UMAD1: variants seen among roughly 807,000 people sequenced by gnomAD.
UMAD1 encodes the protein UBAP1-MVB12-associated (UMA) domain containing 1, also known as UBAP1-MVB12-associated (UMA)-domain containing protein 1.
A neutral mutation model predicts 6.1 loss-of-function variants in UMAD1; 8 were observed. The observed-to-expected ratio is 1.30, with a 90% CI of 0.76 to 2.35. UMAD1 has a LOEUF of 2.35. Among genes scored for constraint, UMAD1 ranks in the 30% most tolerant of loss-of-function variants. The probability of loss-of-function intolerance (pLI) is 0.00; values close to 1 mark genes in which losing one functional copy is unlikely to be tolerated. For synonymous variants in UMAD1, 56 were observed against 31.4 expected (o/e 1.78, Z -2.61); for missense variants, 130 against 78.4 (o/e 1.66, Z -2.49).
chr7:7,724,563 A>G (rs1403843890), intron 2 of UMAD1, among the ~76,000 whole-genome samples: 1 of 152,212 alleles, frequency 6.6e-6, no homozygotes, highest in Non-Finnish European at 1.5e-5. Flanking sequence ...TAGTGCCACC[A>G]TTAAGGACTT....
At chr7:7,656,331 T>G (rs34674816) in intron 1 of UMAD1, among the ~76,000 whole-genome samples, 24,487 of 152,128 alleles carry the variant, frequency 0.16, 2,334 homozygotes, top group Middle Eastern at 0.24. Flanking sequence ...TTTTGTTTTA[T>G]TATACTTAAA....
chr7:7,742,097 T>C, intron 2 of UMAD1: 2 of 584,280 alleles, frequency 3.4e-6, no homozygotes, highest in South Asian at 2.8e-5. Context: ...GTTGATATGA[T>C]GAAAGTTTGG....
chr7:7,648,703 T>G (rs556403601), intron 1 of UMAD1, among the ~76,000 whole-genome samples: 2 of 151,264 alleles, frequency 1.3e-5, no homozygotes, highest in Non-Finnish European at 2.9e-5. Flanking sequence ...ATACAAAAAT[T>G]AGCTGGCCAT....
chr7:7,775,162 G>A (rs1350997641), intron 2 of UMAD1, among the ~76,000 whole-genome samples: 2 of 152,124 alleles, frequency 1.3e-5, no homozygotes, highest in Non-Finnish European at 2.9e-5. Context: ...ATTTCAGTAT[G>A]GCTTCTGTCT....
chr7:7,676,521 T>C (rs770643918), intron 2 of UMAD1, among the ~76,000 whole-genome samples: 47 of 152,350 alleles, frequency 3.1e-4, no homozygotes, highest in Non-Finnish European at 5.9e-4. Flanking sequence ...TTCTAAGACA[T>C]TATTGACATC....
chr7:7,687,230 T>C (rs1331394969), intron 2 of UMAD1: 1 of 152,228 alleles, frequency 6.6e-6, no homozygotes, highest in Non-Finnish European at 1.5e-5. Flanking sequence ...CTACTTACCA[T>C]TTCAGCCTCA....
intron 2 of UMAD1, among the ~76,000 whole-genome samples, chr7:7,749,938 T>C (rs1781647470): frequency 6.6e-6 from 1 of 152,160 alleles, no homozygotes; most frequent in East Asian, 1.9e-4. Context: ...CTTTCACCAA[T>C]GTTATTCAGT....
At chr7:7,821,004 A>G (rs567816193) in intron 3 of UMAD1, among the ~76,000 whole-genome samples, 27 of 152,222 alleles carry the variant, frequency 1.8e-4, no homozygotes, top group Non-Finnish European at 3.7e-4. Flanking sequence ...CTAGTTATTA[A>G]TGAAAATTAA....
intron 3 of UMAD1, among the ~76,000 whole-genome samples, chr7:7,859,828 C>T (rs1395777693): frequency 6.6e-6 from 1 of 152,282 alleles, no homozygotes; most frequent in East Asian, 1.9e-4. Flanking sequence ...CATTAATCAA[C>T]TTTTCTGTTG....
At chr7:7,740,965 A>G (rs1393973151) in intron 2 of UMAD1, 1 of 152,214 alleles carries the variant, frequency 6.6e-6, no homozygotes, top group Non-Finnish European at 1.5e-5. Flanking sequence ...CTTTGTGGGA[A>G]TAAGTTTAAA....
chr7:7,800,927 A>G (rs1260958704), intron 2 of UMAD1, among the ~76,000 whole-genome samples: 1 of 152,192 alleles, frequency 6.6e-6, no homozygotes, highest in Non-Finnish European at 1.5e-5. Flanking sequence ...TTAGCGTCTG[A>G]TTATGCTTCA....
chr7:7,722,849 C>T (rs185405688), intron 2 of UMAD1, among the ~76,000 whole-genome samples: 63 of 152,238 alleles, frequency 4.1e-4, no homozygotes, highest in Admixed American at 2.0e-3. Flanking sequence ...GGAATGGGGA[C>T]GTGTGGGAGG....
intron 1 of UMAD1, among the ~76,000 whole-genome samples, chr7:7,669,158 T>A (rs556269352): frequency 9.9e-5 from 15 of 152,072 alleles, no homozygotes; most frequent in African/African-American, 2.9e-4. Context: ...GGAAAAAACA[T>A]ACTGTATATA....
chr7:7,649,705 A>G (rs1010197838), intron 1 of UMAD1, among the ~76,000 whole-genome samples: 2 of 150,498 alleles, frequency 1.3e-5, no homozygotes, highest in Non-Finnish European at 2.9e-5. Flanking sequence ...CCCACCCTAC[A>G]AATTTTAACC....
At chr7:7,823,135 C>T (rs554135442) in intron 3 of UMAD1, among the ~76,000 whole-genome samples, 1 of 152,156 alleles carries the variant, frequency 6.6e-6, no homozygotes, top group East Asian at 1.9e-4. Context: ...TATAATTAGT[C>T]ATTTAAGCTC....
At chr7:7,840,503 C>CATTGCCAAGCCAATTCTTCTCTT in intron 3 of UMAD1, among the ~76,000 whole-genome samples, 1 of 151,090 alleles carries the variant, frequency 6.6e-6, no homozygotes, top group South Asian at 2.1e-4. Flanking sequence ...TGAATGTTGG[C>CATTGCCAAGCCAATTCTTCTCTT]ATTGCCAAGC....
chr7:7,859,027 A>G (rs6974910), intron 3 of UMAD1, among the ~76,000 whole-genome samples: 46,307 of 152,072 alleles, frequency 0.3, 9,532 homozygotes, highest in African/African-American at 0.59. Flanking sequence ...GAGGCCAGCA[A>G]TCTTGAAAGT....
chr7:7,825,608 T>G (rs62434489), intron 3 of UMAD1, among the ~76,000 whole-genome samples: 17,227 of 152,158 alleles, frequency 0.11, 1,063 homozygotes, highest in Admixed American at 0.13. Flanking sequence ...GACCTGCCTC[T>G]TCCCACAACA....
In UMAD1 at chr7:7,703,526, A is replaced by G. The variant is rs77859148; in HGVS notation, c.82+30073A>G. On this transcript the variant is annotated intron_variant, in intron 2 of 3. Coordinates refer to ENST00000682710, the MANE Select transcript of UMAD1 (RefSeq NM_001302348.2). ...TTTTATAAACATCTTTTTGTAACCT[A>G]TATTGAATCCCAGAGGTCCTGACTC... Among the ~76,000 whole-genome samples, 7 of 152,318 alleles carry G rather than the reference A, an allele frequency of 4.6e-5. No individual in the cohort carries two copies. In the East Asian group the frequency reaches 1.3e-3, roughly 29 times the overall value.
Sources: allele counts gnomAD v4.1 joint callset (sites outside exome capture counted in the v4.1 genomes callset), GRCh38; gene constraint gnomAD v4.1.1; transcripts MANE v1.5; gene names NCBI Gene and HGNC (gene_info 2026-07-23, HGNC 2026-07-21).